The following FRMD3 variants were observed in gnomAD, a reference collection of about 807,000 sequenced individuals.
FRMD3 encodes the protein FERM domain-containing protein 3.
FRMD3 carries 33 observed loss-of-function variants against 70.2 expected under a neutral mutation model. That is an observed-to-expected ratio of 0.47 (90% CI 0.36 to 0.63). FRMD3 has a LOEUF of 0.63. Among genes scored for constraint, FRMD3 ranks in the 20% least tolerant of loss-of-function variants. FRMD3 has a pLI of 0.00. For missense variants in FRMD3, 632 were observed against 711.4 expected, an observed-to-expected ratio of 0.89 and a Z score of 1.27; for synonymous variants, 279 against 255.9, an observed-to-expected ratio of 1.09 and a Z score of -0.86.
chr9:83,433,033 T>A (rs1025954327), intron 1 of FRMD3, among the ~76,000 whole-genome samples: 1 of 152,214 alleles, frequency 6.6e-6, no homozygotes, highest in African/African-American at 2.4e-5. Context: ...TTATGGCTTC[T>A]AGTTCCATCC....
intron 13 of FRMD3, among the ~76,000 whole-genome samples, chr9:83,254,240 C>G (rs200629206): frequency 6.6e-6 from 1 of 151,424 alleles, no homozygotes; most frequent in Non-Finnish European, 1.5e-5. Context: ...GTTGTGCACA[C>G]GTACCCTAGA....
chr9:83,254,683 G>A (rs1832610667), intron 13 of FRMD3, among the ~76,000 whole-genome samples: 1 of 152,036 alleles, frequency 6.6e-6, no homozygotes, highest in African/African-American at 2.4e-5. Flanking sequence ...AATCTGAAAT[G>A]GTAAGGGGGA....
intron 6 of FRMD3, among the ~76,000 whole-genome samples, chr9:83,331,503 T>C (rs1230145205): frequency 6.6e-6 from 1 of 152,164 alleles, no homozygotes; most frequent in Non-Finnish European, 1.5e-5. Flanking sequence ...TATAATGGTA[T>C]TGGTATTGCA....
intron 1 of FRMD3, among the ~76,000 whole-genome samples, chr9:83,436,458 A>ATGTGTGTGTGTGTGTGTGTGTGTG (rs148417744): frequency 3.5e-5 from 5 of 144,566 alleles, no homozygotes; most frequent in Non-Finnish European, 6.0e-5. Flanking sequence ...AATTAATAAG[A>ATGTGTGTGTGTGTGTGTGTGTGTG]TGTGTGTGTG....
chr9:83,583,749 C>T, the FRMD3 span, among the ~76,000 whole-genome samples: 1 of 152,152 alleles, frequency 6.6e-6, no homozygotes, highest in South Asian at 2.1e-4. Flanking sequence ...GCTGGGACTA[C>T]AGGTGCATGC....
intron 1 of FRMD3, among the ~76,000 whole-genome samples, chr9:83,434,998 C>A (rs776335020): frequency 6.6e-6 from 1 of 151,570 alleles, no homozygotes; most frequent in Non-Finnish European, 1.5e-5. Context: ...CTAATTTTTG[C>A]GGGTTTTTTC....
At chr9:83,272,736 A>G (rs1023882554) in intron 13 of FRMD3, among the ~76,000 whole-genome samples, 45 of 146,216 alleles carry the variant, frequency 3.1e-4, no homozygotes, top group African/African-American at 1.1e-3. Context: ...GGAAGTGAGG[A>G]GCGTCTCTGC....
chr9:83,381,714 A>T (rs976073908), intron 2 of FRMD3, among the ~76,000 whole-genome samples: 1 of 152,168 alleles, frequency 6.6e-6, no homozygotes, highest in African/African-American at 2.4e-5. Flanking sequence ...GGGGCCAGGA[A>T]GTCTTTAAAA....
intron 3 of FRMD3, among the ~76,000 whole-genome samples, chr9:83,355,958 G>A (rs1460762539): frequency 2.0e-5 from 3 of 152,198 alleles, no homozygotes; most frequent in African/African-American, 7.2e-5. Flanking sequence ...CAAGGGCTGG[G>A]GAGCCAAGTG....
chr9:83,333,697 G>A (rs762169578), intron 6 of FRMD3, among the ~76,000 whole-genome samples: 4 of 152,160 alleles, frequency 2.6e-5, no homozygotes, highest in South Asian at 2.1e-4. Flanking sequence ...CTCAGGCACC[G>A]CTGACATGGT....
rs761450625 is a variant in FRMD3, at chr9:83,349,807, C to T, written c.296-50G>A. ...TGAGAAAAGCAGCAAAAGACCATGG[C>T]CTCAAACACACACGGGAAAGGCAGC... On this transcript the variant is annotated intron_variant, in intron 3 of 13. Transcript: ENST00000304195. The T allele has an allele frequency of 3.5e-6, 5 of 1,410,318 alleles. No homozygotes were observed. In the South Asian group the frequency reaches 4.7e-5, roughly 13 times the overall value. 87.4% of individuals were successfully genotyped at this position (1,410,318 alleles called of 1,614,324 possible).
chr9:83,522,458 A>AT (rs902432709), intron 1 of FRMD3, among the ~76,000 whole-genome samples: 20 of 151,750 alleles, frequency 1.3e-4, no homozygotes, highest in African/African-American at 4.1e-4. Context: ...AAAGAAAAAG[A>AT]TTTTTTTTAA....
At chr9:83,369,600 AT>A (rs1261445570) in intron 3 of FRMD3, among the ~76,000 whole-genome samples, 1 of 150,570 alleles carries the variant, frequency 6.6e-6, no homozygotes, top group Non-Finnish European at 1.5e-5. Flanking sequence ...AAATAAATAA[AT>A]AAATAAATAA....
At chr9:83,414,307 T>C (rs1342727620) in intron 1 of FRMD3, among the ~76,000 whole-genome samples, 1 of 152,206 alleles carries the variant, frequency 6.6e-6, no homozygotes, top group Non-Finnish European at 1.5e-5. Context: ...AAATTAAACT[T>C]CAATCAAGCT....
chr9:83,434,107 T>C (rs1827061305), intron 1 of FRMD3, among the ~76,000 whole-genome samples: 1 of 152,234 alleles, frequency 6.6e-6, no homozygotes, highest in Admixed American at 6.5e-5. Context: ...ATAAACTTCC[T>C]TCCTCAAGCT....
At chr9:83,584,008 C>T in the FRMD3 span, among the ~76,000 whole-genome samples, 1 of 152,182 alleles carries the variant, frequency 6.6e-6, no homozygotes, top group Non-Finnish European at 1.5e-5. Context: ...TTCTGCCTGA[C>T]TTCCAAGTGT....
chr9:83,381,762 C>T (rs117191853), intron 2 of FRMD3, among the ~76,000 whole-genome samples: 40 of 152,206 alleles, frequency 2.6e-4, no homozygotes, highest in Non-Finnish European at 4.7e-4. Flanking sequence ...AAGCAACCTC[C>T]ATTCCCTTCC....
chr9:83,250,789 C>T (rs1832373802), intron 13 of FRMD3, among the ~76,000 whole-genome samples: 1 of 152,198 alleles, frequency 6.6e-6, no homozygotes, highest in African/African-American at 2.4e-5. Context: ...CATTTCTCCT[C>T]ACTGGATAGG....
chr9:83,544,682 C>T, the FRMD3 span, among the ~76,000 whole-genome samples: 1 of 152,144 alleles, frequency 6.6e-6, no homozygotes, highest in Non-Finnish European at 1.5e-5. Flanking sequence ...CTTCTATCTC[C>T]GTCTTTACAG....
Sources: gnomAD v4.1 joint callset for allele counts (sites outside exome capture counted in the v4.1 genomes callset) on GRCh38, gnomAD v4.1.1 for gene constraint, MANE v1.5 for transcripts, NCBI Gene and HGNC (gene_info 2026-07-23, HGNC 2026-07-21) for gene names.